Variants in PPAT observed in about 807,000 individuals in gnomAD.
PPAT encodes amidophosphoribosyltransferase.
Under a neutral mutation model 60.2 loss-of-function variants are expected in PPAT, and 20 were observed. That is an observed-to-expected ratio of 0.33 (90% CI 0.23 to 0.48). The LOEUF is 0.48. PPAT is among the 20% of genes least tolerant of loss of function. The pLI, the probability that PPAT is intolerant of heterozygous loss-of-function variation, is 0.99. For missense variants in PPAT, 349 were observed against 629.6 expected, an observed-to-expected ratio of 0.55 and a Z score of 4.77; for synonymous variants, 194 against 215.1, an observed-to-expected ratio of 0.90 and a Z score of 0.86.
intron 1 of PPAT, among the ~76,000 whole-genome samples, chr4:56,416,829 A>T (rs866869772): frequency 1.5e-4 from 23 of 152,188 alleles, no homozygotes; most frequent in Middle Eastern, 6.8e-3. Flanking sequence ...CAATGAATTA[A>T]ATTCAGTGTA....
At chr4:56,424,288 A>G (rs941465954) in intron 1 of PPAT, among the ~76,000 whole-genome samples, 1 of 152,186 alleles carries the variant, frequency 6.6e-6, no homozygotes, top group Non-Finnish European at 1.5e-5. Flanking sequence ...GTGGTTCCCA[A>G]TTTGGAACTT....
chr4:56,397,886 C>T (rs531733768), intron 9 of PPAT, among the ~76,000 whole-genome samples: 17 of 151,480 alleles, frequency 1.1e-4, no homozygotes, highest in African/African-American at 2.7e-4. Context: ...ACTAAAAATA[C>T]GAAAAATCAG....
At chr4:56,395,698 AT>A (rs1339347524) in intron 10 of PPAT, 150 bp from the exon 11 acceptor site, 1 of 589,748 alleles carries the variant, frequency 1.7e-6, no homozygotes, top group East Asian at 3.6e-5. Flanking sequence ...AGGAAAAAAA[AT>A]CAATAAAACT....
intron 1 of PPAT, chr4:56,410,916 A>G: frequency 1.0e-5 from 10 of 978,994 alleles, no homozygotes; most frequent in African/African-American, 1.8e-5. Context: ...AAAAAAAAAA[A>G]AAAAAAAAAA....
At chr4:56,416,870 T>C (rs1280946087) in intron 1 of PPAT, among the ~76,000 whole-genome samples, 1 of 152,148 alleles carries the variant, frequency 6.6e-6, no homozygotes, top group Non-Finnish European at 1.5e-5. Context: ...TTTCTTTTCT[T>C]TTCTAGTCTC....
intron 5 of PPAT, among the ~76,000 whole-genome samples, 192 bp downstream of exon 5, chr4:56,402,848 A>AAAAAAAAG (rs1560638308): frequency 2.0e-4 from 15 of 76,126 alleles, no homozygotes; most frequent in African/African-American, 8.5e-4. Flanking sequence ...AAAAAAAAAA[A>AAAAAAAAG]GGGGGGGGAC....
chr4:56,432,205 A>C (rs1717622247), intron 1 of PPAT, among the ~76,000 whole-genome samples: 1 of 152,174 alleles, frequency 6.6e-6, no homozygotes, highest in Admixed American at 6.5e-5. Context: ...AAAGTGATAG[A>C]AATCTCACCT....
At chr4:56,413,117 G>GT (rs1382458172) in intron 1 of PPAT, among the ~76,000 whole-genome samples, 1 of 150,904 alleles carries the variant, frequency 6.6e-6, no homozygotes, top group African/African-American at 2.4e-5. Context: ...AATTACTTTG[G>GT]TTTTTTGTTG....
chr4:56,403,527 A>G, intron 3 of PPAT, 126 bp from the exon 4 acceptor site: 2 of 702,382 alleles, frequency 2.8e-6, no homozygotes, highest in Non-Finnish European at 4.7e-6. Context: ...CCTGCATCCC[A>G]CTAATGCAGC....
In PPAT at chr4:56,410,160, G is replaced by A. The variant is rs532152179; in HGVS notation, c.129-2444C>T. On this transcript the variant is annotated intron_variant, in intron 1 of 10. Coordinates refer to ENST00000264220, the MANE Select transcript of PPAT (RefSeq NM_002703.5). ...ATTAACATTGGCTATAGACCTCTTG[G>A]AAAAAGCCTCTGCCAACCATTTTCA... Among the ~76,000 whole-genome samples the A allele has an allele frequency of 1.9e-3, 296 of 152,188 alleles. 1 individual carries two copies. Among genetic ancestry groups the A allele is most frequent in the Non-Finnish European group, 2.1e-3 (145 of 68,004 alleles).
At chr4:56,430,199 G>A (rs184600120) in intron 1 of PPAT, among the ~76,000 whole-genome samples, 7 of 152,132 alleles carry the variant, frequency 4.6e-5, no homozygotes, top group African/African-American at 7.2e-5. Context: ...TTGAAAAATT[G>A]CATGTCTCTC....
chr4:56,407,623 T>A (rs1300886620), intron 2 of PPAT, 27 bp downstream of exon 2: 2 of 1,564,156 alleles, frequency 1.3e-6, no homozygotes, highest in Non-Finnish European at 1.8e-6. Context: ...TGGTCTGTCA[T>A]CAACATTTCT....
At chr4:56,429,356 G>T (rs564078412) in intron 1 of PPAT, among the ~76,000 whole-genome samples, 98 of 152,042 alleles carry the variant, frequency 6.4e-4, no homozygotes, top group Non-Finnish European at 1.0e-3. Context: ...GATGTAAAAA[G>T]AAAAAAATCC....
chr4:56,409,883 A>G (rs901178637), intron 1 of PPAT, among the ~76,000 whole-genome samples: 12 of 152,346 alleles, frequency 7.9e-5, no homozygotes, highest in African/African-American at 2.9e-4. Context: ...TTTATTAACG[A>G]GAAAAATGAC....
Position 56,408,912 on chromosome 4 carries a change from G to A in PPAT, c.129-1196C>T, listed in dbSNP as rs568859432. Among the ~76,000 whole-genome samples, 111 of 152,186 alleles carry A rather than the reference G, an allele frequency of 7.3e-4. 5 individuals carry two copies. The South Asian group carries it at 0.022, about 31-fold the overall frequency. On this transcript the variant is annotated intron_variant, in intron 1 of 10. Transcript: ENST00000264220. The stretch of plus-strand genomic sequence containing the variant: ...CAATCAAACTGCTGTAACTGGGCGC[G>A]CTAACCTTGTATAAAAAATGTTGTG...
intron 1 of PPAT, among the ~76,000 whole-genome samples, chr4:56,409,200 A>C (rs1190542728): frequency 1.3e-5 from 2 of 149,208 alleles, no homozygotes; most frequent in East Asian, 1.9e-4. Flanking sequence ...AACACACTAA[A>C]GCAATAGAAA....
chr4:56,404,046 G>C, intron 3 of PPAT: 2 of 451,300 alleles, frequency 4.4e-6, no homozygotes, highest in Non-Finnish European at 8.9e-6. Context: ...CCTAGCACAG[G>C]GGTTGGGGAC....
At chr4:56,416,655 C>T (rs1283075754) in intron 1 of PPAT, among the ~76,000 whole-genome samples, 4 of 152,186 alleles carry the variant, frequency 2.6e-5, no homozygotes, top group East Asian at 1.9e-4. Flanking sequence ...CTCTAATTTC[C>T]GAACTTTACT....
At position 56,403,139 on chromosome 4, in the gene PPAT, TA is replaced by T; in HGVS notation, c.561del (p.Ile188Ter). 1 of 1,612,078 alleles carries T rather than the reference TA, an allele frequency of 6.2e-7. No homozygotes were observed. The highest frequency in any genetic ancestry group is 8.5e-7 in the Non-Finnish European group (1 of 1,178,330). ...MKEAPTAYSL[L>X]IMHRDVIYAV... ...GCATAAATAACATCTCTGTGCATTA[TA>T]AGCAGGGAGTATGCTGTGGGTGCTT... On this transcript the variant is annotated frameshift_variant, in exon 5 of 11. Coordinates refer to ENST00000264220, the MANE Select transcript of PPAT (RefSeq NM_002703.5). LOFTEE classifies it high-confidence loss of function.
Sources: allele counts gnomAD v4.1 joint callset (sites outside exome capture counted in the v4.1 genomes callset), GRCh38; gene constraint gnomAD v4.1.1; transcripts MANE v1.5; gene names NCBI Gene and HGNC (gene_info 2026-07-23, HGNC 2026-07-21).